UNKL: variants seen among roughly 807,000 people sequenced by gnomAD.
UNKL encodes the protein unk like zinc finger.
In UNKL, 60 loss-of-function variants were observed where a neutral mutation model predicts 78.0. The observed-to-expected ratio is 0.77, with a 90% CI of 0.63 to 0.95. The LOEUF (loss-of-function observed/expected upper bound fraction) is 0.95, where lower values mean the gene tolerates loss of function less well. Among genes scored for constraint, UNKL ranks in the 40% least tolerant of loss-of-function variants. UNKL has a pLI of 0.00. For missense variants in UNKL, 1,159 were observed against 1,045.7 expected (o/e 1.11, Z -1.49); for synonymous variants, 608 against 474.8 (o/e 1.28, Z -3.65).
chr16:1,406,552 C>A (rs1022614986), intron 2 of UNKL, among the ~76,000 whole-genome samples: 1 of 152,120 alleles, frequency 6.6e-6, no homozygotes, highest in Admixed American at 6.6e-5. Flanking sequence ...GTTTCCCAGG[C>A]TGGTCCCAAA....
chr16:1,363,761 T>C lies in UNKL; in HGVS notation c.*2479A>G. ...ACAGCCCCAGGATCTTGCCCCCATT[T>C]CCAACCCTGGCAGCGCTGCCAGCCA... On this transcript the variant is annotated 3_prime_UTR_variant, in exon 15 of 15. Coordinates refer to ENST00000389221, the MANE Select transcript of UNKL (RefSeq NM_001372107.1). The C allele has an allele frequency of 6.3e-6, 1 of 159,136 alleles. No homozygotes were observed. The highest frequency in any genetic ancestry group is 1.4e-5 in the Non-Finnish European group (1 of 72,346). 9.9% of individuals were successfully genotyped at this position (159,136 alleles called of 1,614,324 possible).
intron 6 of UNKL, chr16:1,394,623 A>T: frequency 2.4e-6 from 1 of 418,576 alleles, no homozygotes; most frequent in Non-Finnish European, 4.8e-6. Flanking sequence ...AGCCCCTCTC[A>T]TGAGGTCAAC....
rs768549830 is a variant in UNKL at position 1,401,554 on chromosome 16, G to A, written c.598+14C>T. ...CCCCCCCACCACCGCCCTCAGCTGC[G>A]GCCGTGGAGTTACCTTGCCACCGGG... On this transcript the variant is annotated intron_variant, in intron 4 of 14. Coordinates refer to ENST00000389221, the MANE Select transcript of UNKL (RefSeq NM_001372107.1). The A allele has an allele frequency of 1.1e-4, 165 of 1,536,054 alleles. No homozygotes were observed. The Admixed American group carries it at 1.1e-3, about 11-fold the overall frequency.
At chr16:1,377,663 C>T (rs894099451) in intron 10 of UNKL, among the ~76,000 whole-genome samples, 10 of 152,166 alleles carry the variant, frequency 6.6e-5, no homozygotes, top group Admixed American at 3.9e-4. Flanking sequence ...TGAGGGCTGG[C>T]AGCCTCTCCT....
chr16:1,397,260 T>G lies in UNKL; in HGVS notation c.770A>C (p.Glu257Ala). ...TPCPSVKHGD[E>A]WGEPSRCDGG... is the part of the protein sequence containing the mutation. Reference sequence around the variant, plus strand: ...ATCGCAGCGTGAGGGTTCCCCCCACTCATCCCCGTGCTTCACACTGGGGCA... The same window carrying G: ...ATCGCAGCGTGAGGGTTCCCCCCACGCATCCCCGTGCTTCACACTGGGGCA... Residue 257 changes from glutamate (E) to alanine (A), a missense_variant, in exon 6 of 15, where the codon GAG becomes GCG. Coordinates refer to ENST00000389221, the MANE Select transcript of UNKL (RefSeq NM_001372107.1). 2.6e-6 allele frequency: 4 copies of G among 1,539,550 alleles called. No individual in the cohort carries two copies. Among genetic ancestry groups the G allele is most frequent in the Non-Finnish European group, 3.5e-6 (4 of 1,146,230 alleles).
rs973364859 is a variant in UNKL at position 1,387,737 on chromosome 16, C to T, written c.1087-2352G>A. Among the ~76,000 whole-genome samples, 3 of 152,156 alleles carry T rather than the reference C, an allele frequency of 2.0e-5. No individual in the cohort carries two copies. The highest frequency in any genetic ancestry group is 7.2e-5 in the African/African-American group (3 of 41,418). On this transcript the variant is annotated intron_variant, in intron 9 of 14. Coordinates refer to ENST00000389221, the MANE Select transcript of UNKL (RefSeq NM_001372107.1). The surrounding 1 kb of genome is among the most constrained non-coding windows in gnomAD (Gnocchi z 4.1). ...GACACTGCACAGCCGCACGGCTGCC[C>T]GGCCCTCCGGGGACGTGGACACTGC...
At chr16:1,396,820 G>C (rs1419275200) in intron 6 of UNKL, among the ~76,000 whole-genome samples, 1 of 152,124 alleles carries the variant, frequency 6.6e-6, no homozygotes, top group Non-Finnish European at 1.5e-5. Context: ...TCTTGATCTC[G>C]TTATCCAGCT....
intron 12 of UNKL, chr16:1,368,226 G>A (rs2035470563): frequency 3.1e-6 from 1 of 327,836 alleles, no homozygotes; most frequent in Non-Finnish European, 5.7e-6. Context: ...GACTCTCAAA[G>A]ACCCCACAGA....
intron 2 of UNKL, chr16:1,408,836 C>T (rs2037904194): frequency 6.6e-6 from 1 of 152,504 alleles, no homozygotes; most frequent in Non-Finnish European, 1.5e-5. Context: ...AAGAGCAACG[C>T]CTGATACGGG....
intron 4 of UNKL, among the ~76,000 whole-genome samples, chr16:1,400,754 C>T (rs1316027632): frequency 1.3e-4 from 19 of 151,886 alleles, no homozygotes; most frequent in African/African-American, 4.6e-4. Flanking sequence ...GTGGCGTGAT[C>T]TTGGCTCACT....
At chr16:1,376,659 C>T (rs1241288368) in intron 10 of UNKL, among the ~76,000 whole-genome samples, 20 of 151,988 alleles carry the variant, frequency 1.3e-4, no homozygotes, top group Admixed American at 1.2e-3. Context: ...GTTATGAGGA[C>T]CCTGCAGTAG....
chr16:1,369,379 T>G (rs2141948735), intron 12 of UNKL, among the ~76,000 whole-genome samples: 1 of 151,710 alleles, frequency 6.6e-6, no homozygotes, highest in East Asian at 1.9e-4. Context: ...TTTCTCTTTT[T>G]TTTTTTTGAG....
chr16:1,379,412 G>C, intron 10 of UNKL: 1 of 939,266 alleles, frequency 1.1e-6, no homozygotes, highest in Non-Finnish European at 1.3e-6. Context: ...GCTGGGAAGC[G>C]GCGAGCGCCC....
rs1688521924 is a variant in UNKL at position 1,390,619 on chromosome 16, T to C, written c.1086+13A>G. 4 of 1,535,678 alleles carry C rather than the reference T, an allele frequency of 2.6e-6. No individual in the cohort carries two copies. Among genetic ancestry groups the C allele is most frequent in the South Asian group, 2.4e-5 (2 of 84,062 alleles). On this transcript the variant is annotated intron_variant, in intron 9 of 14. Transcript: ENST00000389221. ...CATCAGGCACGAGGGTGGGAAACCTTGGGGGCCTGTACCTGCTTGCTGTCT... is the reference window on the plus strand; with the variant it reads ...CATCAGGCACGAGGGTGGGAAACCTCGGGGGCCTGTACCTGCTTGCTGTCT...
chr16:1,401,814 G>T (rs115609479), intron 3 of UNKL, 113 bp from the exon 4 acceptor site: 3 of 1,440,680 alleles, frequency 2.1e-6, no homozygotes, highest in Non-Finnish European at 2.8e-6. Context: ...GGCTGCTGCC[G>T]AAGGGTTCAG....
At chr16:1,413,400 CT>C (rs2038135123) in intron 2 of UNKL, among the ~76,000 whole-genome samples, 1 of 151,920 alleles carries the variant, frequency 6.6e-6, no homozygotes, top group Non-Finnish European at 1.5e-5. Context: ...GAAACCCTGT[CT>C]CTACTAAAAA....
chr16:1,367,767 G>C lies in UNKL; in HGVS notation c.1677C>G (p.Ser559=), dbSNP rs767448681. ...CTCCGTTTGGACTTGCACTCGAAGA[G>C]GATGGGGGGCCGGCACTCAGGATGG... ...PSPILSAGPP[S]SSSASPNGAE... Residue 559 remains serine, a synonymous_variant, in exon 13 of 15, where the codon TCC becomes TCG. Transcript: ENST00000389221. 6.4e-7 allele frequency: 1 copy of C among 1,574,042 alleles called. No individual in the cohort carries two copies. The highest frequency in any genetic ancestry group is 8.6e-7 in the Non-Finnish European group (1 of 1,160,378).
chr16:1,402,014 T>C (rs111698437), intron 3 of UNKL, among the ~76,000 whole-genome samples: 9,166 of 152,280 alleles, frequency 0.06, 521 homozygotes, highest in African/African-American at 0.16. Context: ...CCTCCCACCT[T>C]GGCCTCCCAG....
intron 12 of UNKL, among the ~76,000 whole-genome samples, chr16:1,368,850 A>T (rs2035535463): frequency 6.6e-6 from 1 of 152,078 alleles, no homozygotes; most frequent in East Asian, 1.9e-4. Context: ...GCAGTGAGCC[A>T]AGATTGCTGG....
Sources: gnomAD v4.1 joint callset for allele counts (sites outside exome capture counted in the v4.1 genomes callset) on GRCh38, gnomAD v4.1.1 for gene constraint, Gnocchi (gnomAD v3.1) non-coding constraint, MANE v1.5 for transcripts, NCBI Gene and HGNC (gene_info 2026-07-23, HGNC 2026-07-21) for gene names.